Variants in PTPRD observed in about 807,000 individuals in gnomAD.
PTPRD encodes the protein protein tyrosine phosphatase receptor type D, also known as receptor-type tyrosine-protein phosphatase delta.
Under a neutral mutation model 214.5 loss-of-function variants are expected in PTPRD, and 34 were observed. That is an observed-to-expected ratio of 0.16 (90% CI 0.12 to 0.21). PTPRD has a LOEUF of 0.21. Among genes scored for constraint, PTPRD ranks in the 10% least tolerant of loss-of-function variants. The pLI, the probability that PTPRD is intolerant of heterozygous loss-of-function variation, is 1.00. For synonymous variants in PTPRD, 1,128 were observed against 845.7 expected (o/e 1.33, Z -5.79); for missense variants, 2,545 against 2,398.7 (o/e 1.06, Z -1.27).
chr9:8,365,075 G>A (rs1274933868), intron 39 of PTPRD, among the ~76,000 whole-genome samples: 1 of 152,036 alleles, frequency 6.6e-6, no homozygotes, highest in Non-Finnish European at 1.5e-5. Flanking sequence ...TCCAGCAGAA[G>A]CCTATGGGAA....
intron 9 of PTPRD, among the ~76,000 whole-genome samples, chr9:9,329,261 A>T (rs1325940728): frequency 1.3e-5 from 2 of 151,796 alleles, no homozygotes; most frequent in South Asian, 2.1e-4. Context: ...AACAAAACAA[A>T]AAACAAAAAC....
chr9:10,407,230 A>G (rs2098378116), intron 2 of PTPRD, among the ~76,000 whole-genome samples: 3 of 151,588 alleles, frequency 2.0e-5, no homozygotes, highest in South Asian at 4.1e-4. Flanking sequence ...GTTCTATATG[A>G]TTATGTCATT....
At chr9:10,028,103 T>C (rs1305161107) in intron 4 of PTPRD, among the ~76,000 whole-genome samples, 1 of 152,132 alleles carries the variant, frequency 6.6e-6, no homozygotes, top group African/African-American at 2.4e-5. Context: ...GTCTTTCTTG[T>C]GCTGTTCTTA....
At chr9:10,560,045 C>T (rs977447745) in intron 2 of PTPRD, among the ~76,000 whole-genome samples, 4 of 152,068 alleles carry the variant, frequency 2.6e-5, no homozygotes, top group Non-Finnish European at 5.9e-5. Context: ...TTGACCCAGC[C>T]ATCCATTACT....
chr9:9,703,346 G>A (rs2097537991), intron 7 of PTPRD, among the ~76,000 whole-genome samples: 1 of 151,970 alleles, frequency 6.6e-6, no homozygotes, highest in Non-Finnish European at 1.5e-5. Context: ...TGTGAAAATG[G>A]ACTAATACAA....
chr9:9,377,859 C>A (rs1303394491), intron 9 of PTPRD, among the ~76,000 whole-genome samples: 1 of 148,100 alleles, frequency 6.8e-6, no homozygotes, highest in Non-Finnish European at 1.5e-5. Context: ...TATTTTAACT[C>A]TCAAGAAGAA....
chr9:10,484,295 A>G (rs1207786337), intron 2 of PTPRD, among the ~76,000 whole-genome samples: 2 of 152,062 alleles, frequency 1.3e-5, no homozygotes, highest in Non-Finnish European at 2.9e-5. Context: ...AGACTCAGAA[A>G]AGGGGAGTGT....
At chr9:9,613,196 G>T (rs1279066360) in intron 7 of PTPRD, among the ~76,000 whole-genome samples, 1 of 120,440 alleles carries the variant, frequency 8.3e-6, no homozygotes, top group African/African-American at 3.2e-5. Context: ...TGAAGCATGT[G>T]GAATAATTTT....
chr9:8,844,269 A>G (rs758841740), intron 11 of PTPRD, among the ~76,000 whole-genome samples: 5 of 152,224 alleles, frequency 3.3e-5, no homozygotes, highest in Non-Finnish European at 7.3e-5. Flanking sequence ...TGCAAAGAAC[A>G]TTATTACTGT....
At chr9:9,780,833 G>C (rs1257830361) in intron 5 of PTPRD, among the ~76,000 whole-genome samples, 1 of 152,168 alleles carries the variant, frequency 6.6e-6, no homozygotes, top group Non-Finnish European at 1.5e-5. Context: ...CATCCACATA[G>C]TGGAATACTA....
At chr9:9,902,835 A>G (rs868373082) in intron 5 of PTPRD, among the ~76,000 whole-genome samples, 2 of 152,122 alleles carry the variant, frequency 1.3e-5, no homozygotes, top group Non-Finnish European at 2.9e-5. Context: ...TGTAGTATGA[A>G]TTGCGTTTGG....
At chr9:9,797,740 G>GGGC (rs200769779) in intron 5 of PTPRD, among the ~76,000 whole-genome samples, 2,199 of 152,050 alleles carry the variant, frequency 0.014, 23 homozygotes, top group Middle Eastern at 0.034. Flanking sequence ...CAGCTACTCG[G>GGGC]GGGGGGCTGA....
intron 5 of PTPRD, among the ~76,000 whole-genome samples, chr9:9,906,641 A>C (rs1184119383): frequency 6.6e-6 from 1 of 151,934 alleles, no homozygotes; most frequent in Non-Finnish European, 1.5e-5. Flanking sequence ...ATGATGTTTT[A>C]ACTCACCTAT....
At chr9:9,712,401 A>G (rs899790829) in intron 7 of PTPRD, among the ~76,000 whole-genome samples, 2 of 152,200 alleles carry the variant, frequency 1.3e-5, no homozygotes, top group African/African-American at 4.8e-5. Context: ...TTTAATTAAA[A>G]AAAATTATTT....
rs981208004 is a variant in PTPRD, at chr9:10,274,414, C to T, written c.-545+66549G>A. Among the ~76,000 whole-genome samples, 7 of 152,210 alleles carry T rather than the reference C, an allele frequency of 4.6e-5. No homozygotes were observed. The South Asian group carries it at 1.2e-3, about 27-fold the overall frequency. ...GTCTCTAAATATAGTGCCTCAAAAA[C>T]GACATTCTCCAAATAGTTTCCTGCA... On this transcript the variant is annotated intron_variant, in intron 3 of 45. Coordinates refer to ENST00000381196, the MANE Select transcript of PTPRD (RefSeq NM_002839.4).
At chr9:8,460,877 G>A (rs546234624) in intron 32 of PTPRD, among the ~76,000 whole-genome samples, 10 of 151,916 alleles carry the variant, frequency 6.6e-5, no homozygotes, top group African/African-American at 1.2e-4. Context: ...CCTATGAAGC[G>A]TAAAGTACCA....
intron 3 of PTPRD, among the ~76,000 whole-genome samples, chr9:10,099,701 C>T (rs1284694311): frequency 6.6e-6 from 1 of 151,604 alleles, no homozygotes; most frequent in Non-Finnish European, 1.5e-5. Context: ...AGAGCTTTTT[C>T]GCTATCATCG....
chr9:8,643,389 G>C (rs1302481187), intron 12 of PTPRD, among the ~76,000 whole-genome samples: 1 of 152,056 alleles, frequency 6.6e-6, no homozygotes, highest in East Asian at 1.9e-4. Flanking sequence ...AAGAAAGAAA[G>C]GAAGGAAGGA....
chr9:9,446,432 C>T (rs895967228), intron 8 of PTPRD, among the ~76,000 whole-genome samples: 3 of 152,174 alleles, frequency 2.0e-5, no homozygotes, highest in African/African-American at 7.2e-5. Context: ...TAAGCTCAGT[C>T]TTGTATCCAA....
Sources: gnomAD v4.1 joint callset for allele counts (sites outside exome capture counted in the v4.1 genomes callset) on GRCh38, gnomAD v4.1.1 for gene constraint, MANE v1.5 for transcripts, NCBI Gene and HGNC (gene_info 2026-07-23, HGNC 2026-07-21) for gene names.